PSEN2: variants seen among roughly 807,000 people sequenced by gnomAD.
PSEN2 encodes presenilin-2.
In PSEN2, 32 loss-of-function variants were observed where a neutral mutation model predicts 49.1. The observed-to-expected ratio is 0.65, with a 90% CI of 0.49 to 0.88. The LOEUF (loss-of-function observed/expected upper bound fraction) is 0.88. Ranked by LOEUF, PSEN2 falls within the 40% of genes least tolerant of loss-of-function variation. The pLI is 0.00. For missense variants in PSEN2, 522 were observed against 586.9 expected (o/e 0.89, Z 1.14); for synonymous variants, 255 against 244.0 (o/e 1.05, Z -0.42).
chr1:226,902,854 C>A (rs1430391144), intron 12 of PSEN2, among the ~76,000 whole-genome samples: 1 of 152,152 alleles, frequency 6.6e-6, no homozygotes, highest in Non-Finnish European at 1.5e-5. Flanking sequence ...CCAGGAGACC[C>A]CAATTGGCCA....
At chr1:226,885,427 G>T in intron 5 of PSEN2, 111 bp from the exon 6 acceptor site, 1 of 1,260,182 alleles carries the variant, frequency 7.9e-7, no homozygotes, top group Non-Finnish European at 1.1e-6. Flanking sequence ...CAGCATGTGG[G>T]CAGCATGGGC....
chr1:226,902,109 A>G (rs536055292), intron 12 of PSEN2, among the ~76,000 whole-genome samples: 2 of 152,222 alleles, frequency 1.3e-5, no homozygotes, highest in South Asian at 4.1e-4. Flanking sequence ...TTCCACAGAT[A>G]GGGGTTGGGG....
rs200636353 is a variant in PSEN2, at chr1:226,882,007, G to A, written c.100G>A (p.Gly34Ser). 1.6e-4 allele frequency: 266 copies of A among 1,614,056 alleles called. 1 individual carries two copies. The East Asian group carries it at 4.7e-3, about 29-fold the overall frequency. ...ESPTPRSCQE[G>S]RQGPEDGENT... is the part of the protein sequence containing the mutation. ...CCCCACGCCGCGCTCCTGCCAGGAG[G>A]GCAGGCAGGGCCCAGAGGATGGAGA... is the stretch of plus-strand genomic sequence containing the variant. Residue 34 changes from glycine (G) to serine (S), a missense_variant, in exon 4 of 13, where the codon GGC becomes AGC. Gly to Ser is a moderately conservative substitution (Grantham distance 56, BLOSUM62 0). Coordinates refer to ENST00000366783, the MANE Select transcript of PSEN2 (RefSeq NM_000447.3).
intron 3 of PSEN2, chr1:226,880,495 C>A: frequency 6.7e-7 from 1 of 1,502,742 alleles, no homozygotes; most frequent in Non-Finnish European, 8.9e-7. Context: ...CTGAGGGTCT[C>A]TGGACAGCGA....
intron 2 of PSEN2, among the ~76,000 whole-genome samples, chr1:226,872,194 C>T (rs1035962162): frequency 4.6e-5 from 7 of 152,206 alleles, no homozygotes; most frequent in South Asian, 2.1e-4. Context: ...GTCTCCCCTC[C>T]GTAGCTGCTC....
rs547731225 is a variant in PSEN2 at position 226,885,559 on chromosome 1, G to A, written c.378G>A (p.Glu126=). 2 of 1,614,046 alleles carry A rather than the reference G, an allele frequency of 1.2e-6. No individual in the cohort carries two copies. The highest frequency in any genetic ancestry group is 1.3e-5 in the African/African-American group (1 of 75,018). ...TCAGCATCTACACGCCATTCACTGA[G>A]GACACACCCTCGGTGGGCCAGCGCC... ...NGQLIYTPFT[E]DTPSVGQRLL... Residue 126 remains glutamate, a synonymous_variant, in exon 6 of 13, where the codon GAG becomes GAA. Coordinates refer to ENST00000366783, the MANE Select transcript of PSEN2 (RefSeq NM_000447.3).
chr1:226,889,919 G>A, intron 8 of PSEN2, 116 bp from the exon 9 acceptor site: 2 of 841,264 alleles, frequency 2.4e-6, no homozygotes, highest in Non-Finnish European at 4.1e-6. Flanking sequence ...TGGGATGCCA[G>A]CCCAGAGGCA....
At chr1:226,897,640 AAGAGCAGGGTAC>A, downstream of PSEN2, 1 of 155,382 alleles carries the variant, frequency 6.4e-6, no homozygotes, top group South Asian at 2.0e-4. Flanking sequence ...CATGCCGAAC[AAGAGCAGGGTAC>A]TGGTGTTCAA....
At chr1:226,889,106 TC>T in intron 8 of PSEN2, 57 bp downstream of exon 8, 4 of 1,485,688 alleles carry the variant, frequency 2.7e-6, no homozygotes, top group African/African-American at 1.4e-5. Context: ...GGCCAAATCG[TC>T]CCCAGTGCTG....
chr1:226,891,454 A>G (rs991952793), intron 10 of PSEN2, 93 bp downstream of exon 10: 2 of 1,158,746 alleles, frequency 1.7e-6, no homozygotes, highest in Non-Finnish European at 2.5e-6. Context: ...CCTGAGAGGC[A>G]TGAGTTCAGG....
At chr1:226,880,545 A>AGACAGCGATCACTCAACCTCTG (rs1660910779) in intron 3 of PSEN2, 4 of 1,099,050 alleles carry the variant, frequency 3.6e-6, no homozygotes, top group Non-Finnish European at 4.9e-6. Context: ...GCCTCTGGAC[A>AGACAGCGATCACTCAACCTCTG]GACAGCGATC....
At chr1:226,877,343 A>G (rs1660698563) in intron 3 of PSEN2, among the ~76,000 whole-genome samples, 1 of 152,164 alleles carries the variant, frequency 6.6e-6, no homozygotes, top group African/African-American at 2.4e-5. Flanking sequence ...ACCTTGAGCT[A>G]ATTACTTTTT....
chr1:226,889,927 G>A lies in PSEN2; in HGVS notation c.788-108G>A, dbSNP rs1661625973. ...GAGAATTTGGGATGCCAGCCCAGAG[G>A]CAAGGCATGCTCTGAGAGCTCCACC... On this transcript the variant is annotated intron_variant, in intron 8 of 12. Coordinates refer to ENST00000366783, the MANE Select transcript of PSEN2 (RefSeq NM_000447.3). 9 of 885,598 alleles carry A rather than the reference G, an allele frequency of 1.0e-5. No individual in the cohort carries two copies. The East Asian group carries it at 2.2e-4, about 22-fold the overall frequency. The allele number at this position is 885,598 out of a possible 1,614,324, so 54.9% of individuals were successfully genotyped here.
intron 7 of PSEN2, among the ~76,000 whole-genome samples, chr1:226,888,507 T>C (rs920607733): frequency 1.3e-5 from 2 of 152,218 alleles, no homozygotes; most frequent in Non-Finnish European, 2.9e-5. Context: ...GGAAAAATTA[T>C]CTGTTCTATC....
Position 226,895,584 on chromosome 1 carries a change from C to T in PSEN2, c.*5C>T. The T allele has an allele frequency of 6.2e-7, 1 of 1,609,696 alleles. No individual in the cohort carries two copies. Among genetic ancestry groups the T allele is most frequent in the Non-Finnish European group, 8.5e-7 (1 of 1,177,922 alleles). Reference sequence around the variant, plus strand: ...TCCCATCAGCTCTACATCTGAGGGACATGGTGTGCCACAGGCTGCAAGCTG... The same window carrying T: ...TCCCATCAGCTCTACATCTGAGGGATATGGTGTGCCACAGGCTGCAAGCTG... On this transcript the variant is annotated 3_prime_UTR_variant, in exon 13 of 13. Transcript: ENST00000366783.
Position 226,881,932 on chromosome 1 carries a change from A to G in PSEN2, c.25A>G (p.Ser9Gly), listed in dbSNP as rs786205285. The stretch of plus-strand genomic sequence containing the variant: ...TATGCTCACATTCATGGCCTCTGAC[A>G]GCGAGGAAGAAGTGTGTGATGAGCG... MLTFMASD[S>G]EEEVCDERTS... Residue 9 changes from serine (S) to glycine (G), a missense_variant, in exon 4 of 13, where the codon AGC becomes GGC. By Grantham distance (56) the Ser-to-Gly change is moderately conservative. Coordinates refer to ENST00000366783, the MANE Select transcript of PSEN2 (RefSeq NM_000447.3). 2 of 1,614,232 alleles carry G rather than the reference A, an allele frequency of 1.2e-6. No homozygotes were observed. Among genetic ancestry groups the G allele is most frequent in the Non-Finnish European group, 1.7e-6 (2 of 1,180,040 alleles).
chr1:226,900,272 GC>G (rs1193305248), downstream of PSEN2, among the ~76,000 whole-genome samples: 3 of 152,268 alleles, frequency 2.0e-5, no homozygotes, highest in South Asian at 2.1e-4. Context: ...GAGACCCTCT[GC>G]CCCCCACCGC....
chr1:226,894,006 G>T lies in PSEN2; in HGVS notation c.1073-1G>T. ...ACGGGTTACTGTCTCTCCTCACACA[G>T]GGGGCGTGAAGCTTGGCCTCGGGGA... On this transcript the variant is annotated splice_acceptor_variant, in intron 11 of 12. Transcript: ENST00000366783. LOFTEE classifies it high-confidence loss of function. The T allele has an allele frequency of 6.2e-7, 1 of 1,610,896 alleles. No homozygotes were observed. The highest frequency in any genetic ancestry group is 1.1e-5 in the South Asian group (1 of 91,022).
At chr1:226,879,810 C>T (rs2102661811) in intron 3 of PSEN2, among the ~76,000 whole-genome samples, 1 of 152,334 alleles carries the variant, frequency 6.6e-6, no homozygotes, top group South Asian at 2.1e-4. Context: ...GCTTTGCTTC[C>T]CGCTGTTGTT....
Sources: allele counts gnomAD v4.1 joint callset (sites outside exome capture counted in the v4.1 genomes callset), GRCh38; gene constraint gnomAD v4.1.1; transcripts MANE v1.5; gene names NCBI Gene and HGNC (gene_info 2026-07-23, HGNC 2026-07-21).